The following ADARB2 variants were observed in gnomAD, a reference collection of about 807,000 sequenced individuals.
ADARB2 encodes inactive double-stranded RNA-specific editase B2.
In ADARB2, 25 loss-of-function variants were observed where a neutral mutation model predicts 62.2. The observed-to-expected ratio is 0.40, with a 90% CI of 0.29 to 0.56. The LOEUF is 0.56. Ranked by LOEUF, ADARB2 falls within the 20% of genes least tolerant of loss-of-function variation. The probability of loss-of-function intolerance (pLI) is 0.43; values close to 1 mark genes in which losing one functional copy is unlikely to be tolerated. For synonymous variants in ADARB2, 572 were observed against 500.8 expected (o/e 1.14, Z -1.90); for missense variants, 1,071 against 1,077.4 (o/e 0.99, Z 0.08).
intron 4 of ADARB2, among the ~76,000 whole-genome samples, chr10:1,247,687 C>T (rs1437454690): frequency 2.0e-5 from 3 of 152,204 alleles, no homozygotes; most frequent in Non-Finnish European, 2.9e-5. Flanking sequence ...AAAACAGAAA[C>T]GGCACCAACC....
intron 2 of ADARB2, among the ~76,000 whole-genome samples, chr10:1,371,430 A>G (rs1417782887): frequency 6.6e-6 from 1 of 152,252 alleles, no homozygotes; most frequent in East Asian, 1.9e-4. Context: ...CAAATCCAGA[A>G]ACAGACAAAG....
chr10:1,573,540 C>G (rs1464831228), intron 1 of ADARB2, among the ~76,000 whole-genome samples: 1 of 152,192 alleles, frequency 6.6e-6, no homozygotes, highest in Non-Finnish European at 1.5e-5. Context: ...CCCTGATGTC[C>G]ATTTCTTAGA....
At chr10:1,732,326 A>AC (rs1835244445) in intron 1 of ADARB2, among the ~76,000 whole-genome samples, 1 of 124,226 alleles carries the variant, frequency 8.0e-6, no homozygotes, top group Non-Finnish European at 1.8e-5. Context: ...AAAAAAAAAA[A>AC]AAAATTTCCT....
intron 1 of ADARB2, among the ~76,000 whole-genome samples, chr10:1,559,687 G>A (rs993893376): frequency 2.6e-5 from 4 of 152,188 alleles, no homozygotes; most frequent in South Asian, 2.1e-4. Context: ...CAAATGCCTC[G>A]CTTAGCGACT....
chr10:1,693,104 A>C (rs144248814), intron 1 of ADARB2, among the ~76,000 whole-genome samples: 3 of 152,114 alleles, frequency 2.0e-5, no homozygotes, highest in Non-Finnish European at 4.4e-5. Context: ...CCGTGAGCCA[A>C]CTCCCTCAGG....
intron 1 of ADARB2, among the ~76,000 whole-genome samples, chr10:1,529,971 C>G (rs11250588): frequency 3.2e-5 from 1 of 31,362 alleles, no homozygotes; most frequent in Non-Finnish European, 1.1e-4. Flanking sequence ...GGGCACCCAT[C>G]CACTGCTCCT....
intron 1 of ADARB2, among the ~76,000 whole-genome samples, chr10:1,618,416 C>A (rs74955756): frequency 0.11 from 16,696 of 152,248 alleles, 1,072 homozygotes; most frequent in Non-Finnish European, 0.15. Flanking sequence ...ATTCTACCAA[C>A]CCTGAAAATT....
chr10:1,573,410 G>A (rs1243729117), intron 1 of ADARB2, among the ~76,000 whole-genome samples: 1 of 152,200 alleles, frequency 6.6e-6, no homozygotes, highest in Non-Finnish European at 1.5e-5. Flanking sequence ...AAGAGCTTGG[G>A]GATGTGTTGA....
intron 9 of ADARB2, among the ~76,000 whole-genome samples, chr10:1,183,635 T>C (rs538927368): frequency 6.6e-6 from 1 of 152,298 alleles, no homozygotes; most frequent in South Asian, 2.1e-4. Context: ...GTGCAGGGGC[T>C]CCAGGCAGGG....
At chr10:1,286,277 C>G (rs1040343826) in intron 3 of ADARB2, among the ~76,000 whole-genome samples, 3 of 152,136 alleles carry the variant, frequency 2.0e-5, no homozygotes. Flanking sequence ...CAAACCGAAG[C>G]CTCCGGGATA....
chr10:1,600,317 T>C (rs1833393558), intron 1 of ADARB2, among the ~76,000 whole-genome samples: 2 of 152,018 alleles, frequency 1.3e-5, no homozygotes, highest in Admixed American at 6.5e-5. Context: ...TGGCCTTCAT[T>C]GCCCGGGTCC....
intron 1 of ADARB2, among the ~76,000 whole-genome samples, chr10:1,689,861 C>T (rs1441884043): frequency 6.6e-6 from 1 of 152,176 alleles, no homozygotes; most frequent in African/African-American, 2.4e-5. Context: ...AAATAACAGT[C>T]CCCTCTACAG....
chr10:1,682,958 G>A (rs539260546), intron 1 of ADARB2, among the ~76,000 whole-genome samples: 23 of 152,284 alleles, frequency 1.5e-4, no homozygotes, highest in Admixed American at 1.3e-3. Context: ...CCCGAATGCC[G>A]GCGGTAACAC....
intron 1 of ADARB2, among the ~76,000 whole-genome samples, chr10:1,560,127 C>T (rs1832767681): frequency 1.3e-5 from 2 of 152,294 alleles, no homozygotes; most frequent in African/African-American, 4.8e-5. Context: ...CTAGTCGGCT[C>T]CCTAATGCAT....
intron 1 of ADARB2, among the ~76,000 whole-genome samples, chr10:1,673,344 ATGTG>A (rs1834418343): frequency 1.2e-5 from 1 of 81,574 alleles, no homozygotes; most frequent in Admixed American, 1.2e-4. Flanking sequence ...GTGTGTGTGT[ATGTG>A]TGTGTATTTA....
chr10:1,695,833 C>T (rs992754583), intron 1 of ADARB2, among the ~76,000 whole-genome samples: 4 of 149,604 alleles, frequency 2.7e-5, no homozygotes, highest in African/African-American at 1.0e-4. Context: ...AGAGTGCATG[C>T]ATGTGTGTGT....
At position 1,655,914 on chromosome 10, in the gene ADARB2, G is replaced by T. The variant is rs139034963; in HGVS notation, c.100+81137C>A. 3.5e-3 allele frequency among the ~76,000 whole-genome samples: 539 copies of T among 152,324 alleles called. 3 individuals carry two copies. The highest frequency in any genetic ancestry group is 0.012 in the African/African-American group (501 of 41,574). On this transcript the variant is annotated intron_variant, in intron 1 of 9. Transcript: ENST00000381312. ...ACATTACAAAAGAGCTTATAAATTA[G>T]TGGGTTTCACTAAAAGTTGTATTGA...
intron 6 of ADARB2, among the ~76,000 whole-genome samples, chr10:1,229,150 T>C (rs1830774718): frequency 6.6e-6 from 1 of 152,184 alleles, no homozygotes; most frequent in African/African-American, 2.4e-5. Flanking sequence ...ATTGATACCA[T>C]GTCTGAGGCC....
chr10:1,674,950 G>T, intron 1 of ADARB2: 1 of 981,848 alleles, frequency 1.0e-6, no homozygotes, highest in Non-Finnish European at 1.2e-6. Context: ...TTTGGGTTTG[G>T]GGGTACACGG....
Sources: allele counts gnomAD v4.1 joint callset (sites outside exome capture counted in the v4.1 genomes callset), GRCh38; gene constraint gnomAD v4.1.1; transcripts MANE v1.5; gene names NCBI Gene and HGNC (gene_info 2026-07-23, HGNC 2026-07-21).